The following SNRK variants were observed in gnomAD, a reference collection of about 807,000 sequenced individuals.
The protein encoded by SNRK is SNF related kinase.
In SNRK, 3 loss-of-function variants were observed where a neutral mutation model predicts 48.2. That is an observed-to-expected ratio of 0.06 (90% CI 0.03 to 0.16). SNRK has a LOEUF of 0.16. Ranked by LOEUF, SNRK falls within the 10% of genes least tolerant of loss-of-function variation. The pLI, the probability that SNRK is intolerant of heterozygous loss-of-function variation, is 1.00. For synonymous variants in SNRK, 376 were observed against 366.1 expected (o/e 1.03, Z -0.31); for missense variants, 627 against 976.0 (o/e 0.64, Z 4.76).
At chr3:43,336,267 C>T (rs556325512) in intron 4 of SNRK, among the ~76,000 whole-genome samples, 1 of 150,536 alleles carries the variant, frequency 6.6e-6, no homozygotes, top group East Asian at 2.0e-4. Context: ...TCCTTACCCT[C>T]CCTCCACCCT....
At chr3:43,314,488 C>T (rs2125627783) in intron 3 of SNRK, among the ~76,000 whole-genome samples, 1 of 152,188 alleles carries the variant, frequency 6.6e-6, no homozygotes, top group Non-Finnish European at 1.5e-5. Flanking sequence ...TTGACATATT[C>T]AAGCCAAGAG....
intron 6 of SNRK, among the ~76,000 whole-genome samples, chr3:43,343,823 T>C (rs1272272717): frequency 6.6e-6 from 1 of 152,208 alleles, no homozygotes; most frequent in African/African-American, 2.4e-5. Context: ...TTATTTTCTT[T>C]AGTTTTTCAT....
intron 3 of SNRK, among the ~76,000 whole-genome samples, chr3:43,304,773 T>C (rs994371502): frequency 6.6e-6 from 1 of 152,092 alleles, no homozygotes; most frequent in Non-Finnish European, 1.5e-5. Context: ...GCACTTAACA[T>C]TGAAGAGTGT....
chr3:43,302,382 A>C (rs1247108684), intron 2 of SNRK, among the ~76,000 whole-genome samples: 2 of 152,210 alleles, frequency 1.3e-5, no homozygotes, highest in Non-Finnish European at 2.9e-5. Context: ...GCATTTCAAA[A>C]TTTAATAAGA....
intron 3 of SNRK, among the ~76,000 whole-genome samples, chr3:43,304,887 G>A (rs1240980163): frequency 6.6e-6 from 1 of 152,014 alleles, no homozygotes; most frequent in African/African-American, 2.4e-5. Context: ...GCCTACTACA[G>A]ATAACTAGAC....
chr3:43,292,350 G>A (rs2090818715), intron 1 of SNRK, among the ~76,000 whole-genome samples: 1 of 152,196 alleles, frequency 6.6e-6, no homozygotes, highest in African/African-American at 2.4e-5. Flanking sequence ...ATGTTAATAT[G>A]TAAAGGATTT....
Position 43,347,171 on chromosome 3 carries a change from T to C in SNRK, c.1080-168T>C, listed in dbSNP as rs2091282896. 1 of 633,000 alleles carries C rather than the reference T, an allele frequency of 1.6e-6. No homozygotes were observed. Among genetic ancestry groups the C allele is most frequent in the East Asian group, 2.8e-5 (1 of 36,344 alleles). 39.2% of individuals were successfully genotyped at this position (633,000 alleles called of 1,614,324 possible). A position where few individuals can be genotyped will look rare whatever the true frequency, so the allele number is the denominator to read the frequency against. ...CCATGTTTCAAAACCACATTTGCCCTTCTGGTGGCCTTGCTGATGTTTACA... is the reference window on the plus strand; with the variant it reads ...CCATGTTTCAAAACCACATTTGCCCCTCTGGTGGCCTTGCTGATGTTTACA... On this transcript the variant is annotated intron_variant, in intron 6 of 6. Coordinates refer to ENST00000296088, the MANE Select transcript of SNRK (RefSeq NM_017719.5). The surrounding 1 kb of genome is among the most constrained non-coding windows in gnomAD (Gnocchi z 5.4).
chr3:43,297,340 A>G (rs1378715866), intron 1 of SNRK, among the ~76,000 whole-genome samples: 1 of 151,752 alleles, frequency 6.6e-6, no homozygotes, highest in Non-Finnish European at 1.5e-5. Context: ...CATTTTCTAA[A>G]CTTTCTAAAG....
chr3:43,292,389 A>G (rs2090819048), intron 1 of SNRK, among the ~76,000 whole-genome samples: 1 of 152,216 alleles, frequency 6.6e-6, no homozygotes, highest in African/African-American at 2.4e-5. Flanking sequence ...CTTTGATGAG[A>G]AGCTTTTCCT....
intron 3 of SNRK, among the ~76,000 whole-genome samples, chr3:43,314,058 C>G (rs974673335): frequency 2.6e-5 from 4 of 152,088 alleles, no homozygotes; most frequent in African/African-American, 9.7e-5. Flanking sequence ...ATCAGTCTTA[C>G]GCTGGTATTT....
At chr3:43,309,074 T>G (rs558069305) in intron 3 of SNRK, among the ~76,000 whole-genome samples, 3 of 152,330 alleles carry the variant, frequency 2.0e-5, no homozygotes, top group Admixed American at 2.0e-4. Flanking sequence ...AGCCTGAAGA[T>G]ATGATTGAAT....
In SNRK at chr3:43,348,488, C is replaced by T; in HGVS notation, c.2229C>T (p.Asn743=). The stretch of plus-strand genomic sequence containing the variant: ...TGTGCGAAAAGACCATCTCTGTGAA[C>T]ATCCAGCGGAACCCTAAGGAGGGGC... ...LPLCEKTISV[N]IQRNPKEGLL... is the part of the protein sequence containing the mutation. Residue 743 remains asparagine (N), a synonymous_variant, in exon 7 of 7, where the codon AAC becomes AAT. Coordinates refer to ENST00000296088, the MANE Select transcript of SNRK (RefSeq NM_017719.5). 6.3e-7 allele frequency: 1 copy of T among 1,594,436 alleles called. No homozygotes were observed. Among genetic ancestry groups the T allele is most frequent in the Non-Finnish European group, 8.5e-7 (1 of 1,171,284 alleles).
At chr3:43,304,172 A>C (rs919988329) in intron 3 of SNRK, among the ~76,000 whole-genome samples, 3 of 152,190 alleles carry the variant, frequency 2.0e-5, no homozygotes, top group Non-Finnish European at 2.9e-5. Flanking sequence ...CATATTGGAA[A>C]GGTACTGTGA....
intron 1 of SNRK, among the ~76,000 whole-genome samples, chr3:43,287,375 A>G (rs1407189542): frequency 1.3e-5 from 2 of 152,136 alleles, no homozygotes; most frequent in Non-Finnish European, 2.9e-5. Context: ...CTTGGGTTGC[A>G]GGAAAGTGGC....
At chr3:43,335,639 A>G (rs1166132176) in intron 4 of SNRK, among the ~76,000 whole-genome samples, 3 of 151,994 alleles carry the variant, frequency 2.0e-5, no homozygotes, top group African/African-American at 4.8e-5. Context: ...TCTTTCTCCT[A>G]CTGGATCTAT....
intron 4 of SNRK, among the ~76,000 whole-genome samples, chr3:43,335,440 T>C (rs1453718693): frequency 1.3e-5 from 2 of 152,214 alleles, no homozygotes; most frequent in Admixed American, 6.5e-5. Context: ...AATAATAGCC[T>C]CTATGGTACC....
chr3:43,287,272 G>A (rs968914700), intron 1 of SNRK, among the ~76,000 whole-genome samples: 1 of 152,164 alleles, frequency 6.6e-6, no homozygotes, highest in African/African-American at 2.4e-5. Flanking sequence ...TTGCAGACTG[G>A]GAGACTGGGA....
intron 1 of SNRK, among the ~76,000 whole-genome samples, chr3:43,292,102 C>G (rs573626302): frequency 2.6e-5 from 4 of 152,318 alleles, no homozygotes; most frequent in African/African-American, 7.2e-5. Context: ...CCAACTGAGG[C>G]AGCAAAAGAC....
intron 3 of SNRK, among the ~76,000 whole-genome samples, chr3:43,311,986 A>G (rs956050985): frequency 2.0e-5 from 3 of 152,186 alleles, no homozygotes; most frequent in Non-Finnish European, 4.4e-5. Context: ...ATTATTTATG[A>G]CCTTTTTCTA....
Sources: gnomAD v4.1 joint callset for allele counts (sites outside exome capture counted in the v4.1 genomes callset) on GRCh38, gnomAD v4.1.1 for gene constraint, Gnocchi (gnomAD v3.1) non-coding constraint, MANE v1.5 for transcripts, NCBI Gene and HGNC (gene_info 2026-07-23, HGNC 2026-07-21) for gene names.